The following CNTNAP2 variants were observed in gnomAD, a reference collection of about 807,000 sequenced individuals.
CNTNAP2 encodes the protein contactin associated protein 2, also known as contactin-associated protein-like 2.
CNTNAP2 carries 98 observed loss-of-function variants against 155.2 expected under a neutral mutation model. That is an observed-to-expected ratio of 0.63 (90% confidence interval 0.54 to 0.75). The LOEUF (loss-of-function observed/expected upper bound fraction) is 0.75, where lower values mean the gene tolerates loss of function less well. Ranked by LOEUF, CNTNAP2 falls within the 30% of genes least tolerant of loss-of-function variation. The probability of loss-of-function intolerance (pLI) is 0.00; values close to 1 mark genes in which losing one functional copy is unlikely to be tolerated. For missense variants in CNTNAP2, 1,727 were observed against 1,688.1 expected, an observed-to-expected ratio of 1.02 and a Z score of -0.40; for synonymous variants, 651 against 631.2, an observed-to-expected ratio of 1.03 and a Z score of -0.47.
intron 22 of CNTNAP2, among the ~76,000 whole-genome samples, chr7:148,403,026 T>TA (rs771767920): frequency 0.17 from 10,974 of 64,362 alleles, 1,185 homozygotes; most frequent in African/African-American, 0.21. Flanking sequence ...CTTCTGTAGT[T>TA]AAAAAAAAAA....
intron 3 of CNTNAP2, among the ~76,000 whole-genome samples, chr7:146,958,378 C>CT (rs903017081): frequency 6.6e-5 from 8 of 121,228 alleles, no homozygotes; most frequent in South Asian, 2.8e-4. Context: ...TACGCTGATG[C>CT]TTTTTTTTCT....
intron 4 of CNTNAP2, among the ~76,000 whole-genome samples, chr7:147,049,774 G>T (rs900297510): frequency 6.6e-6 from 1 of 152,208 alleles, no homozygotes; most frequent in Non-Finnish European, 1.5e-5. Context: ...ACTAGAGAGA[G>T]AGAGAGAAAT....
intron 2 of CNTNAP2, among the ~76,000 whole-genome samples, chr7:146,819,531 A>T (rs191334469): frequency 6.2e-4 from 94 of 152,202 alleles, no homozygotes; most frequent in African/African-American, 2.1e-3. Flanking sequence ...CGTCCCATCA[A>T]GTCTTGGACA....
chr7:147,898,842 T>C (rs1042903554), intron 13 of CNTNAP2, among the ~76,000 whole-genome samples: 1 of 152,186 alleles, frequency 6.6e-6, no homozygotes, highest in Non-Finnish European at 1.5e-5. Flanking sequence ...TGACTGGCTA[T>C]TTTGGCTTAC....
intron 13 of CNTNAP2, among the ~76,000 whole-genome samples, chr7:147,860,589 C>CAAAAAAAAAAA (rs11342244): frequency 3.2e-5 from 4 of 124,444 alleles, no homozygotes; most frequent in Admixed American, 8.5e-5. Context: ...GACTCTGTCT[C>CAAAAAAAAAAA]AAAAAAAAAA....
intron 21 of CNTNAP2, among the ~76,000 whole-genome samples, chr7:148,314,017 G>A (rs916838888): frequency 1.3e-5 from 2 of 152,160 alleles, no homozygotes; most frequent in Non-Finnish European, 2.9e-5. Flanking sequence ...GCTTGTCACT[G>A]AACGAAACTG....
intron 1 of CNTNAP2, among the ~76,000 whole-genome samples, chr7:146,512,368 T>C (rs1349572199): frequency 6.6e-6 from 1 of 151,998 alleles, no homozygotes; most frequent in Non-Finnish European, 1.5e-5. Context: ...TTTCTCTACA[T>C]GTATCATTAG....
intron 3 of CNTNAP2, among the ~76,000 whole-genome samples, chr7:146,905,224 T>C (rs1217704180): frequency 6.6e-6 from 1 of 151,952 alleles, no homozygotes; most frequent in African/African-American, 2.4e-5. Flanking sequence ...GCCTCTGGCC[T>C]AGAAGATCTT....
At chr7:147,573,980 C>T (rs1403252416) in intron 12 of CNTNAP2, among the ~76,000 whole-genome samples, 1 of 152,070 alleles carries the variant, frequency 6.6e-6, no homozygotes, top group Non-Finnish European at 1.5e-5. Context: ...AACAACGTGA[C>T]TTGGAATAGG....
rs912551531 is a variant in CNTNAP2, at chr7:148,202,137, G to T, written c.3011-15151G>T. On this transcript the variant is annotated intron_variant, in intron 18 of 23. Coordinates refer to ENST00000361727, the MANE Select transcript of CNTNAP2 (RefSeq NM_014141.6). ...AAGGAGTTGCGGTATTTCATATGTG[G>T]CACGGCCCCTCCCTTCAATGGCCTC... Among the ~76,000 whole-genome samples, 4 of 151,996 alleles carry T rather than the reference G, an allele frequency of 2.6e-5. No homozygotes were observed. The East Asian group carries it at 7.8e-4, about 30-fold the overall frequency.
At chr7:148,390,636 G>T (rs1799324989) in intron 22 of CNTNAP2, among the ~76,000 whole-genome samples, 1 of 152,190 alleles carries the variant, frequency 6.6e-6, no homozygotes, top group Admixed American at 6.5e-5. Flanking sequence ...TAGAATTGAA[G>T]ACATCTACCC....
chr7:148,157,447 G>C (rs370034449), intron 17 of CNTNAP2, among the ~76,000 whole-genome samples: 3 of 151,792 alleles, frequency 2.0e-5, no homozygotes, highest in Admixed American at 6.6e-5. Flanking sequence ...AAGCAAGAAG[G>C]GTTTTTCCTT....
chr7:146,720,897 A>G (rs957108189), intron 1 of CNTNAP2, among the ~76,000 whole-genome samples: 6 of 144,374 alleles, frequency 4.2e-5, no homozygotes, highest in African/African-American at 1.5e-4. Flanking sequence ...CTCTCTATAT[A>G]TATTCTATAT....
intron 2 of CNTNAP2, among the ~76,000 whole-genome samples, chr7:146,805,949 A>T (rs1459133949): frequency 1.3e-5 from 2 of 152,122 alleles, no homozygotes; most frequent in Non-Finnish European, 2.9e-5. Flanking sequence ...ATGTTTTCAC[A>T]GTTTGAGGTT....
chr7:148,389,575 C>T (rs1205227749), intron 22 of CNTNAP2: 4 of 152,226 alleles, frequency 2.6e-5, no homozygotes, highest in African/African-American at 9.7e-5. Flanking sequence ...TCTATGGATG[C>T]ACCCTAAATT....
chr7:147,622,517 A>G (rs1003248407), intron 12 of CNTNAP2, among the ~76,000 whole-genome samples: 2 of 152,020 alleles, frequency 1.3e-5, no homozygotes, highest in Non-Finnish European at 2.9e-5. Context: ...GAAAATTAAT[A>G]TGCTCCTGAA....
intron 1 of CNTNAP2, among the ~76,000 whole-genome samples, chr7:146,223,045 A>G (rs759669357): frequency 6.6e-6 from 1 of 152,166 alleles, no homozygotes; most frequent in South Asian, 2.1e-4. Flanking sequence ...TATGATGCCT[A>G]TATGTGCCAG....
chr7:146,350,580 G>A (rs1454580402), intron 1 of CNTNAP2, among the ~76,000 whole-genome samples: 1 of 151,692 alleles, frequency 6.6e-6, no homozygotes, highest in Admixed American at 6.6e-5. Context: ...CACTGTTGGT[G>A]GGACTGTAAA....
chr7:147,297,969 A>G (rs551222458), intron 8 of CNTNAP2, among the ~76,000 whole-genome samples: 1 of 152,362 alleles, frequency 6.6e-6, no homozygotes, highest in East Asian at 1.9e-4. Flanking sequence ...ATGGTAGACC[A>G]GAGATGATAG....
Sources: allele counts gnomAD v4.1 joint callset (sites outside exome capture counted in the v4.1 genomes callset), GRCh38; gene constraint gnomAD v4.1.1; transcripts MANE v1.5; gene names NCBI Gene and HGNC (gene_info 2026-07-23, HGNC 2026-07-21).